Variants in POLR1C observed in about 807,000 individuals in gnomAD.
POLR1C encodes the protein DNA-directed RNA polymerases I and III subunit RPAC1.
Under a neutral mutation model 38.3 loss-of-function variants are expected in POLR1C, and 42 were observed. The observed-to-expected ratio is 1.10, with a 90% CI of 0.86 to 1.42. POLR1C has a LOEUF of 1.42. POLR1C is among the 40% of genes most tolerant of loss of function. POLR1C has a pLI of 0.00. For synonymous variants in POLR1C, 163 were observed against 163.9 expected, an observed-to-expected ratio of 0.99 and a Z score of 0.04; for missense variants, 507 against 450.5, an observed-to-expected ratio of 1.13 and a Z score of -1.14.
chr6:43,520,341 T>C lies in POLR1C; in HGVS notation c.569T>C (p.Ile190Thr), dbSNP rs1314010504. The change falls in exon 6 of 9, where the codon ATC (isoleucine) becomes ACC (threonine). Residue 190 changes from isoleucine to threonine, a missense_variant. Coordinates refer to ENST00000642195, the MANE Select transcript of POLR1C (RefSeq NM_203290.4). ...GCTGATCTCTTTCCAGAGGGCACTA[T>C]CCGACCAGTGCATGATGATATCCTC... The part of the protein sequence containing the change: ...NQADLFPEGT[I>T]RPVHDDILIA... 3 of 1,613,556 alleles carry C rather than the reference T, an allele frequency of 1.9e-6. No individual in the cohort carries two copies. The highest frequency in any genetic ancestry group is 1.1e-5 in the South Asian group (1 of 91,084).
At chr6:43,522,770 A>C (rs1561860168), downstream of POLR1C, 1 of 468,804 alleles carries the variant, frequency 2.1e-6, no homozygotes, top group South Asian at 1.6e-5. Context: ...ACATGGACAC[A>C]CTGGTTTCTG....
At chr6:43,518,360 G>C (rs187448723) in intron 2 of POLR1C, among the ~76,000 whole-genome samples, 1 of 152,154 alleles carries the variant, frequency 6.6e-6, no homozygotes, top group Non-Finnish European at 1.5e-5. Flanking sequence ...TGACTTTTTG[G>C]CTTGGGAACT....
At chr6:43,535,128 TA>T (rs1341816617) in intron 9 of POLR1C, among the ~76,000 whole-genome samples, 1 of 150,562 alleles carries the variant, frequency 6.6e-6, no homozygotes, top group Admixed American at 6.6e-5. Flanking sequence ...CTGTCTCTAC[TA>T]AAAATACAAA....
chr6:43,521,028 G>A lies in POLR1C; in HGVS notation c.902G>A (p.Arg301Gln), dbSNP rs780012379. Residue 301 changes from arginine to glutamine, a missense_variant, in exon 8 of 9, where the codon CGG becomes CAG. Physicochemically the swap from Arg to Gln is conservative, Grantham distance 43. Transcript: ENST00000642195. ...CTAAAGAAGGTTGTGAGGCTTGCCC[G>A]GGTTCGAGATCATTATATCTGTGAG... ...EKLKKVVRLA[R>Q]VRDHYIFSVE... The A allele has an allele frequency of 1.1e-5, 18 of 1,613,918 alleles. No homozygotes were observed. In the African/African-American group the frequency reaches 1.9e-4, roughly 17 times the overall value.
chr6:43,542,345 C>G (rs1794738372), intron 9 of POLR1C, among the ~76,000 whole-genome samples: 1 of 152,102 alleles, frequency 6.6e-6, no homozygotes, highest in Non-Finnish European at 1.5e-5. Context: ...GCAGGAGGTG[C>G]TATGAATACC....
At chr6:43,522,590 G>A (rs1793258357), downstream of POLR1C, 1 of 336,304 alleles carries the variant, frequency 3.0e-6, no homozygotes, top group South Asian at 2.2e-5. Context: ...ACAGGAAGAG[G>A]GAGCAACACA....
At chr6:43,534,369 A>C (rs1794183780), downstream of POLR1C, among the ~76,000 whole-genome samples, 1 of 152,224 alleles carries the variant, frequency 6.6e-6, no homozygotes, top group Non-Finnish European at 1.5e-5. Context: ...GTGGATTTAC[A>C]GGTAGGAACA....
At chr6:43,527,800 T>C (rs1160216693) in intron 8 of POLR1C, 6 of 1,538,238 alleles carry the variant, frequency 3.9e-6, no homozygotes, top group Non-Finnish European at 5.4e-6. Context: ...GCAGCGACCC[T>C]AATCAGACTC....
At chr6:43,534,265 A>G (rs1395794676), downstream of POLR1C, among the ~76,000 whole-genome samples, 1 of 152,254 alleles carries the variant, frequency 6.6e-6, no homozygotes, top group East Asian at 1.9e-4. Context: ...ACAGTATCAG[A>G]GTCCAAAGCT....
chr6:43,530,755 G>A (rs769718099), downstream of POLR1C: 1 of 1,613,900 alleles, frequency 6.2e-7, no homozygotes. Flanking sequence ...TGAGAAGCTG[G>A]GTAGCAAGGT....
At position 43,535,077 on chromosome 6, in the gene POLR1C, G is replaced by A. The variant is rs185093223; in HGVS notation, c.*4+5718G>A. Among the ~76,000 whole-genome samples, 385 of 151,988 alleles carry A rather than the reference G, an allele frequency of 2.5e-3. 3 individuals carry two copies. Among genetic ancestry groups the A allele is most frequent in the African/African-American group, 8.7e-3 (359 of 41,414 alleles). On this transcript the variant is annotated intron_variant, in intron 9 of 10. Transcript: ENST00000607635. ...GGAGGCTGAGGTGGGTGGATCACGA[G>A]GTCATGAGATCGAGACTATCCTGGC... is the stretch of plus-strand genomic sequence containing the variant.
intron 10 of POLR1C, among the ~76,000 whole-genome samples, chr6:43,559,407 A>G (rs923640765): frequency 1.3e-5 from 2 of 152,236 alleles, no homozygotes; most frequent in Admixed American, 1.3e-4. Flanking sequence ...TGAGATTAAC[A>G]ATCTGTCAAC....
At chr6:43,518,073 G>A (rs73426739) in intron 2 of POLR1C, among the ~76,000 whole-genome samples, 20,475 of 151,982 alleles carry the variant, frequency 0.13, 3,213 homozygotes, top group African/African-American at 0.38. Flanking sequence ...GCATGTCCAA[G>A]TAGTTCTGGC....
At chr6:43,557,425 CA>C (rs1227954173) in intron 10 of POLR1C, among the ~76,000 whole-genome samples, 18 of 143,434 alleles carry the variant, frequency 1.3e-4, no homozygotes, top group African/African-American at 1.3e-4. Context: ...GACTCCATCT[CA>C]AAAAAAAAAG....
At chr6:43,541,796 G>GAGAT (rs1794708153) in intron 9 of POLR1C, among the ~76,000 whole-genome samples, 1 of 151,280 alleles carries the variant, frequency 6.6e-6, no homozygotes, top group African/African-American at 2.4e-5. Flanking sequence ...TTTCTTTTTT[G>GAGAT]AGATAGAGTC....
exon 9 of POLR1C, chr6:43,529,352 C>A (rs753625192): frequency 7.1e-6 from 3 of 424,454 alleles, no homozygotes; most frequent in Non-Finnish European, 4.3e-6. Context: ...ACCATCCTGG[C>A]TAACATGGTG....
At chr6:43,525,276 T>C, downstream of POLR1C, 1 of 1,468,246 alleles carries the variant, frequency 6.8e-7, no homozygotes, top group Non-Finnish European at 9.2e-7. Flanking sequence ...CTGATGATTA[T>C]TACACATCAG....
At chr6:43,545,304 G>C (rs1174651102) in intron 9 of POLR1C, among the ~76,000 whole-genome samples, 1 of 152,182 alleles carries the variant, frequency 6.6e-6, no homozygotes, top group Non-Finnish European at 1.5e-5. Context: ...ATTCCCAGGA[G>C]AGTTTCACTG....
intron 10 of POLR1C, chr6:43,558,919 C>A (rs945591949): frequency 4.5e-6 from 1 of 220,204 alleles, no homozygotes; most frequent in Non-Finnish European, 8.9e-6. Context: ...GAGCTACTTG[C>A]CTCAAATACT....
Sources: allele counts gnomAD v4.1 joint callset (sites outside exome capture counted in the v4.1 genomes callset), GRCh38; gene constraint gnomAD v4.1.1; transcripts MANE v1.5; gene names NCBI Gene and HGNC (gene_info 2026-07-23, HGNC 2026-07-21).